WDHD1: variants seen among roughly 807,000 people sequenced by gnomAD.
The protein encoded by WDHD1 is WD repeat and HMG-box DNA-binding protein 1.
Under a neutral mutation model 135.4 loss-of-function variants are expected in WDHD1, and 111 were observed. The ratio of observed to expected loss-of-function variants is 0.82; its 90% CI spans 0.70 to 0.96. WDHD1 has a LOEUF of 0.96. WDHD1 is among the 40% of genes least tolerant of loss of function. The pLI is 0.00. For missense variants in WDHD1, 1,351 were observed against 1,336.3 expected, an observed-to-expected ratio of 1.01 and a Z score of -0.17; for synonymous variants, 434 against 439.0, an observed-to-expected ratio of 0.99 and a Z score of 0.14.
chr14:55,026,865 G>T, intron 1 of WDHD1, 62 bp from the exon 2 acceptor site: 2 of 1,533,440 alleles, frequency 1.3e-6, no homozygotes, highest in Admixed American at 1.7e-5. Context: ...CGAGGCTAGG[G>T]ATAGGAAGAG....
At chr14:55,004,642 A>G (rs1343760624) in intron 7 of WDHD1, among the ~76,000 whole-genome samples, 2 of 152,166 alleles carry the variant, frequency 1.3e-5, no homozygotes, top group Non-Finnish European at 2.9e-5. Context: ...TAGTAGAGAC[A>G]GGGTTTCGCC....
At chr14:55,017,688 A>G (rs1207599188) in intron 2 of WDHD1, among the ~76,000 whole-genome samples, 3 of 152,230 alleles carry the variant, frequency 2.0e-5, no homozygotes, top group Non-Finnish European at 2.9e-5. Context: ...GTGAAACACA[A>G]AAGTACTTGA....
intron 24 of WDHD1, among the ~76,000 whole-genome samples, chr14:54,947,203 G>T (rs2040941757): frequency 6.6e-6 from 1 of 152,116 alleles, no homozygotes; most frequent in Non-Finnish European, 1.5e-5. Flanking sequence ...GTCGGGCATG[G>T]TTGCGCATGC....
At position 54,979,059 on chromosome 14, in the gene WDHD1, T is replaced by C. The variant is rs572796367; in HGVS notation, c.2063+2481A>G. On this transcript the variant is annotated intron_variant, in intron 16 of 25. Coordinates refer to ENST00000360586, the MANE Select transcript of WDHD1 (RefSeq NM_007086.4). ...CTTTACTAAATTCATTGCCAAAAGATTACAAAAATGCTATAGAGTCACCTA... is the reference window on the plus strand; with the variant it reads ...CTTTACTAAATTCATTGCCAAAAGACTACAAAAATGCTATAGAGTCACCTA... Among the ~76,000 whole-genome samples the C allele has an allele frequency of 2.0e-5, 3 of 152,288 alleles. No individual in the cohort carries two copies. The East Asian group carries it at 5.8e-4, about 29-fold the overall frequency.
At chr14:54,961,362 A>C (rs2041249422) in intron 21 of WDHD1, among the ~76,000 whole-genome samples, 1 of 152,134 alleles carries the variant, frequency 6.6e-6, no homozygotes, top group African/African-American at 2.4e-5. Flanking sequence ...CAAAATCCTT[A>C]ATATGGCCTA....
intron 6 of WDHD1, among the ~76,000 whole-genome samples, chr14:55,007,578 CTAGAG>C (rs1168587148): frequency 6.6e-6 from 1 of 152,058 alleles, no homozygotes; most frequent in Non-Finnish European, 1.5e-5. Context: ...TCTTAAATAA[CTAGAG>C]TATTTTCTGT....
At chr14:54,967,147 T>A in intron 17 of WDHD1, 133 bp downstream of exon 17, 1 of 702,822 alleles carries the variant, frequency 1.4e-6, no homozygotes, top group South Asian at 1.7e-5. Flanking sequence ...TCCTCTTCCC[T>A]CCCTGCTACC....
intron 18 of WDHD1, among the ~76,000 whole-genome samples, chr14:54,966,124 C>T (rs1429312106): frequency 2.2e-5 from 3 of 134,048 alleles, no homozygotes; most frequent in Admixed American, 8.6e-5. Flanking sequence ...GTCAGGAGTT[C>T]GAGACCAGTC....
At chr14:55,009,675 G>C (rs2042133021) in intron 4 of WDHD1, among the ~76,000 whole-genome samples, 1 of 151,916 alleles carries the variant, frequency 6.6e-6, no homozygotes, top group African/African-American at 2.4e-5. Context: ...CAGGTGATCT[G>C]CCCACCTTGG....
Position 55,007,340 on chromosome 14 carries a change from G to C in WDHD1, c.540C>G (p.Cys180Trp). The change falls in exon 7 of 26, where the codon TGC becomes TGG. Residue 180 changes from cysteine (C) to tryptophan (W), a missense_variant. Around this residue, in one of 2 missense-constraint regions of WDHD1, gnomAD observed 1,330 missense variants for 1,296.1 expected, o/e 1.03. Transcript: ENST00000360586. ...TTGATTTTGCATTTATCACATCGTT[G>C]CATTTTTGTAGCAGTGGCCAACTAA... ...CAISWPLLQK[C>W]NDVINAKSIC... is the part of the protein sequence containing the mutation. The C allele has an allele frequency of 6.2e-7, 1 of 1,605,002 alleles. No individual in the cohort carries two copies. Among genetic ancestry groups the C allele is most frequent in the South Asian group, 1.1e-5 (1 of 87,802 alleles).
At chr14:54,962,926 A>C in intron 19 of WDHD1, 26 bp downstream of exon 19, 1 of 1,612,964 alleles carries the variant, frequency 6.2e-7, no homozygotes, top group East Asian at 2.2e-5. Context: ...GTAAAGGAAA[A>C]TTCAAACAAC....
chr14:55,012,004 A>G (rs1355023826), intron 3 of WDHD1, among the ~76,000 whole-genome samples: 1 of 152,144 alleles, frequency 6.6e-6, no homozygotes, highest in African/African-American at 2.4e-5. Flanking sequence ...GCTCTAAAAA[A>G]AAAAAGTTTC....
In WDHD1 at chr14:54,995,798, C is replaced by T. The variant is rs2041868984; in HGVS notation, c.958G>A (p.Glu320Lys). 1 of 1,599,296 alleles carries T rather than the reference C, an allele frequency of 6.3e-7. No individual in the cohort carries two copies. The highest frequency in any genetic ancestry group is 1.7e-5 in the Admixed American group (1 of 57,372). Residue 320 changes from glutamate to lysine, a missense_variant, in exon 11 of 26, where the codon GAA (glutamate) becomes AAA (lysine). Transcript: ENST00000360586. The part of the protein sequence containing the change: ...TSSSKVSSRV[E>K]KDYNDLFDGD... Reference sequence around the variant, plus strand: ...TCAAAAAGATCATTATAATCCTTTTCCACTCTGCTAGATACCTTGAACAAA... The same window carrying T: ...TCAAAAAGATCATTATAATCCTTTTTCACTCTGCTAGATACCTTGAACAAA...
In WDHD1 at chr14:55,011,998, T is replaced by TA. The variant is rs984335100; in HGVS notation, c.189+1486dup. On this transcript the variant is annotated intron_variant, in intron 3 of 25. Coordinates refer to ENST00000360586, the MANE Select transcript of WDHD1 (RefSeq NM_007086.4). ...TTTAATACACGGTATCAATTTGCTC[T>TA]AAAAAAAAAAAGTTTCTCACTTATG... 8.9e-4 allele frequency among the ~76,000 whole-genome samples: 130 copies of TA among 145,816 alleles called. 1 individual carries two copies. Among genetic ancestry groups the TA allele is most frequent in the South Asian group, 2.6e-3 (12 of 4,624 alleles).
rs144271979 is a variant in WDHD1, at chr14:55,006,322, T to C, written c.600+958A>G. Among the ~76,000 whole-genome samples, 25 of 152,374 alleles carry C rather than the reference T, an allele frequency of 1.6e-4. No homozygotes were observed. The East Asian group carries it at 3.5e-3, about 21-fold the overall frequency. ...GTAGCATGTTAAAAGTTTCTTTATA[T>C]AGATCTTTCACATTTCTTGTACATT... On this transcript the variant is annotated intron_variant, in intron 7 of 25. Coordinates refer to ENST00000360586, the MANE Select transcript of WDHD1 (RefSeq NM_007086.4).
intron 11 of WDHD1, among the ~76,000 whole-genome samples, chr14:54,994,179 G>C (rs2041840373): frequency 6.6e-6 from 1 of 152,142 alleles, no homozygotes; most frequent in Admixed American, 6.6e-5. Context: ...TCTATTTGAA[G>C]ATTTTAAATT....
At chr14:55,018,023 T>C (rs953303210) in intron 2 of WDHD1, among the ~76,000 whole-genome samples, 2 of 152,130 alleles carry the variant, frequency 1.3e-5, no homozygotes, top group Non-Finnish European at 2.9e-5. Flanking sequence ...CAAACCGATG[T>C]TAATTAAATA....
At chr14:54,971,347 C>A (rs910156067) in intron 16 of WDHD1, among the ~76,000 whole-genome samples, 1 of 152,028 alleles carries the variant, frequency 6.6e-6, no homozygotes, top group African/African-American at 2.4e-5. Context: ...GAGGCCAAGG[C>A]AGGAGGATTA....
At position 55,009,513 on chromosome 14, in the gene WDHD1, CCT is replaced by C. The variant is rs141726052; in HGVS notation, c.341+794_341+795del. 7.7e-3 allele frequency among the ~76,000 whole-genome samples: 1,165 copies of C among 151,804 alleles called. 13 individuals carry two copies. The highest frequency in any genetic ancestry group is 0.026 in the African/African-American group (1,089 of 41,376). ...AATGGCGTGATCTCAGCTCACGCAA[CCT>C]CTGTCTCCCGGGTTCAAGCAATTCT... On this transcript the variant is annotated intron_variant, in intron 4 of 25. Coordinates refer to ENST00000360586, the MANE Select transcript of WDHD1 (RefSeq NM_007086.4).
Sources: gnomAD v4.1 joint callset for allele counts (sites outside exome capture counted in the v4.1 genomes callset) on GRCh38, gnomAD v4.1.1 for gene constraint, gnomAD v4.1.1 regional missense constraint, MANE v1.5 for transcripts, NCBI Gene and HGNC (gene_info 2026-07-23, HGNC 2026-07-21) for gene names.